Variants in RTP2 observed in about 807,000 individuals in gnomAD.
The protein encoded by RTP2 is receptor transporter protein 2.
A neutral mutation model predicts 17.9 loss-of-function variants in RTP2; 12 were observed. The observed-to-expected ratio is 0.67, with a 90% CI of 0.43 to 1.09. The LOEUF (loss-of-function observed/expected upper bound fraction) is 1.09. Ranked by LOEUF, RTP2 falls within the 50% of genes least tolerant of loss-of-function variation. The pLI, the probability that RTP2 is intolerant of heterozygous loss-of-function variation, is 0.00. For synonymous variants in RTP2, 126 were observed against 117.7 expected, an observed-to-expected ratio of 1.07 and a Z score of -0.46; for missense variants, 327 against 295.7, an observed-to-expected ratio of 1.11 and a Z score of -0.78.
chr3:187,708,695 T>G, the RTP2 span, among the ~76,000 whole-genome samples: 1 of 152,246 alleles, frequency 6.6e-6, no homozygotes, highest in East Asian at 1.9e-4. Context: ...TAAAAGGTAA[T>G]AGTGATAAAG....
At chr3:187,702,973 G>T (rs900367172), upstream of RTP2, among the ~76,000 whole-genome samples, 14 of 152,000 alleles carry the variant, frequency 9.2e-5, no homozygotes, top group Non-Finnish European at 1.2e-4. Context: ...GCCAGGCTAA[G>T]GTGGCTGCTG....
chr3:187,701,875 C>CTGCCCG, intron 1 of RTP2, 90 bp downstream of exon 1: 1 of 1,320,034 alleles, frequency 7.6e-7, no homozygotes, highest in Non-Finnish European at 1.0e-6. Flanking sequence ...CAGAATAAGC[C>CTGCCCG]CGCGACTGGG....
chr3:187,703,308 AG>A (rs1270206785), upstream of RTP2, among the ~76,000 whole-genome samples: 7 of 152,226 alleles, frequency 4.6e-5, no homozygotes, highest in African/African-American at 1.2e-4. Context: ...GAAGTGAAAC[AG>A]GTTGCTAAGA....
chr3:187,704,705 C>T (rs552822257), upstream of RTP2, among the ~76,000 whole-genome samples: 5 of 152,270 alleles, frequency 3.3e-5, no homozygotes, highest in Admixed American at 1.3e-4. Flanking sequence ...TGCTATAGGG[C>T]GAATCCAAGA....
chr3:187,706,060 C>T (rs1717983952), upstream of RTP2, among the ~76,000 whole-genome samples: 1 of 152,154 alleles, frequency 6.6e-6, no homozygotes, highest in South Asian at 2.1e-4. Context: ...AATGATCAGG[C>T]TTTGCTTAGA....
At chr3:187,700,818 A>C (rs533336090) in intron 1 of RTP2, among the ~76,000 whole-genome samples, 39 of 152,230 alleles carry the variant, frequency 2.6e-4, no homozygotes, top group Non-Finnish European at 4.9e-4. Flanking sequence ...TGCTCAGCAC[A>C]TAACAGGTAC....
chr3:187,708,399 T>G, the RTP2 span, among the ~76,000 whole-genome samples: 1 of 152,230 alleles, frequency 6.6e-6, no homozygotes, highest in African/African-American at 2.4e-5. Context: ...TTACTTAATC[T>G]GTGTCATGAC....
chr3:187,700,132 C>T (rs1021589503), intron 1 of RTP2, among the ~76,000 whole-genome samples: 1 of 152,208 alleles, frequency 6.6e-6, no homozygotes, highest in Admixed American at 6.5e-5. Flanking sequence ...TTCAATCCAA[C>T]AGACACCATT....
exon 2 of RTP2, chr3:187,698,584 A>G: frequency 6.2e-7 from 1 of 1,614,234 alleles, no homozygotes; most frequent in South Asian, 1.1e-5. Flanking sequence ...CAGCGAAGAG[A>G]CAAGAAGTTG....
At chr3:187,698,785 C>T (rs1717760054) in exon 2 of RTP2, 6 of 1,613,884 alleles carry the variant, frequency 3.7e-6, no homozygotes, top group Non-Finnish European at 4.2e-6. Context: ...CCATCCTCCT[C>T]GTAGCACTGC....
exon 2 of RTP2, chr3:187,698,458 C>A: frequency 1.3e-6 from 2 of 1,543,048 alleles, no homozygotes; most frequent in Non-Finnish European, 1.8e-6. Flanking sequence ...CCTCCCCACT[C>A]TCAAGCCCAT....
chr3:187,698,725 G>A (rs763417071), exon 2 of RTP2: 1 of 1,614,060 alleles, frequency 6.2e-7, no homozygotes, highest in Admixed American at 1.7e-5. Flanking sequence ...AACTCTGCAC[G>A]ATGCGGCCCG....
chr3:187,715,325 C>T, the RTP2 span, among the ~76,000 whole-genome samples: 3 of 152,190 alleles, frequency 2.0e-5, no homozygotes, highest in Non-Finnish European at 1.5e-5. Context: ...AAGCCCGTTC[C>T]ATCTTTAGAC....
At position 187,699,766 on chromosome 3, in the gene RTP2, CACACACACACACACACAT is replaced by C. The variant is rs1160667169; in HGVS notation, c.165-773_165-756del. Among the ~76,000 whole-genome samples the C allele has an allele frequency of 1.9e-3, 109 of 56,332 alleles. 1 individual carries two copies. The highest frequency in any genetic ancestry group is 6.0e-3 in the African/African-American group (53 of 8,812). 37.0% of individuals were successfully genotyped at this position (56,332 alleles called of 152,430 possible). ...ACACACACACACACACACACACACA[CACACACACACACACACAT>C]ATATTTTCTCTCTCTCTCTTACATG... On this transcript the variant is annotated intron_variant, in intron 1 of 1. Coordinates refer to ENST00000358241, the Ensembl canonical transcript of RTP2.
At chr3:187,704,153 T>C (rs1717931607), upstream of RTP2, among the ~76,000 whole-genome samples, 1 of 152,218 alleles carries the variant, frequency 6.6e-6, no homozygotes, top group East Asian at 1.9e-4. Flanking sequence ...AAAGAAATTG[T>C]TATTTCTTTA....
chr3:187,698,668 T>G, exon 2 of RTP2: 2 of 1,614,136 alleles, frequency 1.2e-6, no homozygotes, highest in South Asian at 2.2e-5. Flanking sequence ...TCCAGCAGCT[T>G]CTCGCTGGGC....
At chr3:187,709,685 AAAAT>A in the RTP2 span, among the ~76,000 whole-genome samples, 3 of 152,194 alleles carry the variant, frequency 2.0e-5, no homozygotes, top group Non-Finnish European at 4.4e-5. Context: ...ATTCTGTTTC[AAAAT>A]AAATAAATAA....
upstream of RTP2, among the ~76,000 whole-genome samples, chr3:187,704,915 C>G (rs1376193348): frequency 6.6e-6 from 1 of 152,076 alleles, no homozygotes; most frequent in African/African-American, 2.4e-5. Context: ...TTACGCTGCC[C>G]TTTTATTAAT....
exon 1 of RTP2, chr3:187,702,042 G>T (rs762221572): frequency 8.7e-6 from 14 of 1,613,544 alleles, no homozygotes; most frequent in Non-Finnish European, 1.2e-5. Context: ...GGTCTATGAT[G>T]AGCTCCCAGC....
Sources: allele counts gnomAD v4.1 joint callset (sites outside exome capture counted in the v4.1 genomes callset), GRCh38; gene constraint gnomAD v4.1.1; transcripts MANE v1.5; gene names NCBI Gene and HGNC (gene_info 2026-07-23, HGNC 2026-07-21).